The following DNER variants were observed in gnomAD, a reference collection of about 807,000 sequenced individuals.
The protein encoded by DNER is delta/notch like EGF repeat containing.
Under a neutral mutation model 78.2 loss-of-function variants are expected in DNER, and 33 were observed. That is an observed-to-expected ratio of 0.42 (90% CI 0.32 to 0.56). The LOEUF is 0.56. Among genes scored for constraint, DNER ranks in the 20% least tolerant of loss-of-function variants. DNER has a pLI of 0.11. For synonymous variants in DNER, 417 were observed against 384.8 expected (o/e 1.08, Z -0.98); for missense variants, 918 against 975.3 (o/e 0.94, Z 0.78).
At chr2:229,449,292 T>C (rs979567367) in intron 7 of DNER, among the ~76,000 whole-genome samples, 4 of 152,218 alleles carry the variant, frequency 2.6e-5, no homozygotes, top group Non-Finnish European at 5.9e-5. Flanking sequence ...GTACTATATG[T>C]TACCGTCACT....
chr2:229,451,564 C>T (rs1694457411), intron 7 of DNER, among the ~76,000 whole-genome samples: 1 of 152,196 alleles, frequency 6.6e-6, no homozygotes, highest in Non-Finnish European at 1.5e-5. Context: ...TCATTTAATC[C>T]TACTATTATA....
chr2:229,651,777 C>A (rs995042041), intron 1 of DNER, among the ~76,000 whole-genome samples: 3 of 152,174 alleles, frequency 2.0e-5, no homozygotes, highest in Non-Finnish European at 4.4e-5. Context: ...CAAAAAGGAA[C>A]ATGAGGAAGC....
intron 7 of DNER, among the ~76,000 whole-genome samples, chr2:229,455,993 G>C (rs530975529): frequency 2.0e-5 from 3 of 152,204 alleles, no homozygotes; most frequent in Admixed American, 1.3e-4. Context: ...CTGTGCTGTG[G>C]CACCCAACAC....
chr2:229,485,050 A>C (rs1361581962), intron 6 of DNER, among the ~76,000 whole-genome samples: 1 of 152,240 alleles, frequency 6.6e-6, no homozygotes, highest in Non-Finnish European at 1.5e-5. Context: ...TAAGTAAAAT[A>C]ATTCATTCAA....
Position 229,497,134 on chromosome 2 carries a change from T to C in DNER, c.1147+15649A>G, listed in dbSNP as rs13026098. On this transcript the variant is annotated intron_variant, in intron 6 of 12. Transcript: ENST00000341772. ...ATTACAATGATATGAAAGTAGAAAC[T>C]GATAACAGGAAGCATTTTAGAAAAT... Among the ~76,000 whole-genome samples, 1,432 of 152,240 alleles carry C rather than the reference T, an allele frequency of 9.4e-3. 8 individuals are homozygous for C. The highest frequency in any genetic ancestry group is 0.014 in the Middle Eastern group (4 of 294).
At chr2:229,496,761 T>G (rs1349396974) in intron 6 of DNER, among the ~76,000 whole-genome samples, 1 of 152,128 alleles carries the variant, frequency 6.6e-6, no homozygotes, top group Non-Finnish European at 1.5e-5. Flanking sequence ...ATATAACAAT[T>G]ATAAATATAT....
intron 1 of DNER, among the ~76,000 whole-genome samples, chr2:229,592,593 G>A (rs577360340): frequency 2.0e-5 from 3 of 151,854 alleles, no homozygotes; most frequent in African/African-American, 7.2e-5. Flanking sequence ...AGTCATATGT[G>A]TTTCAATTAT....
intron 5 of DNER, among the ~76,000 whole-genome samples, chr2:229,524,235 T>C (rs890610427): frequency 2.0e-4 from 30 of 152,352 alleles, no homozygotes; most frequent in African/African-American, 7.2e-4. Flanking sequence ...CCTTGCTTGC[T>C]GAGATCTTGT....
rs73095381 is a variant in DNER, at chr2:229,677,877, C to T, written c.276+36271G>A. 4.2e-3 allele frequency among the ~76,000 whole-genome samples: 636 copies of T among 152,242 alleles called. 5 individuals are homozygous for T. The highest frequency in any genetic ancestry group is 0.015 in the African/African-American group (618 of 41,530). On this transcript the variant is annotated intron_variant, in intron 1 of 12. Coordinates refer to ENST00000341772, the MANE Select transcript of DNER (RefSeq NM_139072.4). Reference sequence around the variant, plus strand: ...TACAGATGGAAGATAAACCTGAACTCTGACTTTCATATTATATAGGCTGGA... The same window carrying T: ...TACAGATGGAAGATAAACCTGAACTTTGACTTTCATATTATATAGGCTGGA...
chr2:229,556,185 T>C (rs768437766), intron 4 of DNER, among the ~76,000 whole-genome samples: 15 of 152,216 alleles, frequency 9.9e-5, no homozygotes, highest in Non-Finnish European at 1.5e-4. Flanking sequence ...TTCCATTTCC[T>C]TGATGAACAC....
chr2:229,407,115 T>C (rs1693404689), intron 10 of DNER, 117 bp downstream of exon 10: 1 of 869,416 alleles, frequency 1.2e-6, no homozygotes, highest in African/African-American at 1.7e-5. Context: ...CCTTACATTT[T>C]GTAATGGTGT....
At chr2:229,657,530 TAA>T (rs1698932998) in intron 1 of DNER, among the ~76,000 whole-genome samples, 1 of 152,176 alleles carries the variant, frequency 6.6e-6, no homozygotes, top group Non-Finnish European at 1.5e-5. Flanking sequence ...CTACATGACA[TAA>T]GTAACAAAAG....
At chr2:229,379,750 T>C (rs992917662) in intron 11 of DNER, among the ~76,000 whole-genome samples, 2 of 152,184 alleles carry the variant, frequency 1.3e-5, no homozygotes, top group Non-Finnish European at 2.9e-5. Context: ...AATGCAGTCA[T>C]AACGAGTGCC....
chr2:229,418,899 C>T (rs929886814), intron 8 of DNER, among the ~76,000 whole-genome samples: 4 of 144,202 alleles, frequency 2.8e-5, no homozygotes, highest in African/African-American at 1.0e-4. Context: ...CCAGCCTGGG[C>T]GACAAGAGCA....
intron 1 of DNER, among the ~76,000 whole-genome samples, chr2:229,596,576 T>C (rs1407170224): frequency 1.3e-5 from 2 of 152,152 alleles, no homozygotes; most frequent in Non-Finnish European, 1.5e-5. Context: ...CAGTGGGAAG[T>C]GTCAGAGGTG....
At chr2:229,631,577 T>A (rs1378632957) in intron 1 of DNER, among the ~76,000 whole-genome samples, 1 of 152,200 alleles carries the variant, frequency 6.6e-6, no homozygotes, top group Non-Finnish European at 1.5e-5. Context: ...TGAGCATTAT[T>A]ATTTTCATAA....
chr2:229,522,245 T>C lies in DNER; in HGVS notation c.994-9309A>G, dbSNP rs1452302496. Among the ~76,000 whole-genome samples the C allele has an allele frequency of 2.0e-5, 3 of 152,230 alleles. No individual in the cohort carries two copies. In the South Asian group the frequency reaches 6.2e-4, roughly 32 times the overall value. ...TGTCTTTTAGGAAATGCTGTAGAAGTCTTTCTTCCTAAAACTAGATATGTG... is the reference window on the plus strand; with the variant it reads ...TGTCTTTTAGGAAATGCTGTAGAAGCCTTTCTTCCTAAAACTAGATATGTG... On this transcript the variant is annotated intron_variant, in intron 5 of 12. Transcript: ENST00000341772.
At chr2:229,671,626 G>A (rs1384359552) in intron 1 of DNER, among the ~76,000 whole-genome samples, 2 of 152,132 alleles carry the variant, frequency 1.3e-5, no homozygotes, top group Non-Finnish European at 2.9e-5. Flanking sequence ...ACAACATATT[G>A]GTGCTCCATA....
At chr2:229,535,934 A>G (rs190013610) in intron 5 of DNER, among the ~76,000 whole-genome samples, 2 of 152,294 alleles carry the variant, frequency 1.3e-5, no homozygotes, top group Non-Finnish European at 2.9e-5. Context: ...GTGAGCCACC[A>G]CGCCTGGCCC....
Sources: gnomAD v4.1 joint callset for allele counts (sites outside exome capture counted in the v4.1 genomes callset) on GRCh38, gnomAD v4.1.1 for gene constraint, MANE v1.5 for transcripts, NCBI Gene and HGNC (gene_info 2026-07-23, HGNC 2026-07-21) for gene names.